Variants in CPQ observed in about 807,000 individuals in gnomAD.
CPQ encodes Ser-Met dipeptidase.
Under a neutral mutation model 45.7 loss-of-function variants are expected in CPQ, and 37 were observed. That is an observed-to-expected ratio of 0.81 (90% CI 0.62 to 1.07). CPQ has a LOEUF of 1.07. Among genes scored for constraint, CPQ ranks in the 50% least tolerant of loss-of-function variants. CPQ has a pLI of 0.00. For synonymous variants in CPQ, 186 were observed against 205.8 expected, an observed-to-expected ratio of 0.90 and a Z score of 0.82; for missense variants, 537 against 572.9, an observed-to-expected ratio of 0.94 and a Z score of 0.64.
intron 5 of CPQ, among the ~76,000 whole-genome samples, chr8:97,016,303 C>T (rs1251188146): frequency 6.6e-6 from 1 of 152,120 alleles, no homozygotes; most frequent in East Asian, 1.9e-4. Flanking sequence ...AAAGCTGAAG[C>T]ACATTTAATT....
intron 3 of CPQ, among the ~76,000 whole-genome samples, chr8:96,837,572 C>T (rs1439084321): frequency 6.6e-6 from 1 of 152,116 alleles, no homozygotes; most frequent in Non-Finnish European, 1.5e-5. Flanking sequence ...CTCACTGTGA[C>T]TGTTTGACCT....
In CPQ at chr8:97,078,763, TTCTCTCTCTCTCTCTCTCTCTCTC is replaced by T. The variant is rs749278181; in HGVS notation, c.1255+12574_1255+12597del. On this transcript the variant is annotated intron_variant, in intron 7 of 7. Coordinates refer to ENST00000220763, the MANE Select transcript of CPQ (RefSeq NM_016134.4). Reference sequence around the variant, plus strand: ...ACTCTAAATATGATATCATTTCCATTTCTCTCTCTCTCTCTCTCTCTCTCTCTCTCTCTCTCTCTCTCTCCCTCT... The same window carrying T: ...ACTCTAAATATGATATCATTTCCATTTCTCTCTCTCTCTCTCTCTCCCTCT... 1.5e-3 allele frequency among the ~76,000 whole-genome samples: 151 copies of T among 100,366 alleles called. 1 individual carries two copies. Among genetic ancestry groups the T allele is most frequent in the African/African-American group, 5.2e-3 (145 of 27,794 alleles). 65.8% of individuals were successfully genotyped at this position (100,366 alleles called of 152,430 possible).
At chr8:96,738,033 A>G (rs1486659516) in intron 1 of CPQ, among the ~76,000 whole-genome samples, 1 of 151,996 alleles carries the variant, frequency 6.6e-6, no homozygotes, top group Non-Finnish European at 1.5e-5. Flanking sequence ...ATTTTGTTTG[A>G]TAGTTCGTTT....
chr8:96,944,808 G>C (rs1813167662), intron 4 of CPQ, among the ~76,000 whole-genome samples: 2 of 152,156 alleles, frequency 1.3e-5, no homozygotes, highest in African/African-American at 4.8e-5. Flanking sequence ...AAAGGTTACA[G>C]TGTTTGCATA....
chr8:97,055,096 T>C (rs1387516726), intron 6 of CPQ, among the ~76,000 whole-genome samples: 1 of 152,118 alleles, frequency 6.6e-6, no homozygotes, highest in Non-Finnish European at 1.5e-5. Flanking sequence ...AATGCTGTGA[T>C]TGTTGGTTTT....
chr8:97,118,855 T>TTA (rs1223344852), intron 7 of CPQ, among the ~76,000 whole-genome samples: 4 of 152,168 alleles, frequency 2.6e-5, no homozygotes, highest in Non-Finnish European at 5.9e-5. Context: ...ATATATAGCA[T>TTA]TATATATATA....
chr8:97,043,911 T>A (rs927035094), intron 6 of CPQ, among the ~76,000 whole-genome samples: 8 of 152,230 alleles, frequency 5.3e-5, no homozygotes, highest in African/African-American at 1.9e-4. Context: ...CTGGCTGCCC[T>A]TAACATTTTT....
intron 2 of CPQ, among the ~76,000 whole-genome samples, chr8:96,811,226 C>T (rs887332132): frequency 4.6e-5 from 7 of 152,220 alleles, no homozygotes; most frequent in Middle Eastern, 3.4e-3. Context: ...ATGTGATATT[C>T]TTTCTAGCAT....
intron 1 of CPQ, among the ~76,000 whole-genome samples, chr8:96,664,156 C>T (rs1443800468): frequency 6.6e-6 from 1 of 151,976 alleles, no homozygotes; most frequent in Admixed American, 6.5e-5. Flanking sequence ...TTCTTTGGTC[C>T]AAAGATGTTT....
At chr8:97,058,738 A>G (rs928163531) in intron 6 of CPQ, among the ~76,000 whole-genome samples, 32 of 152,166 alleles carry the variant, frequency 2.1e-4, no homozygotes, top group African/African-American at 7.7e-4. Flanking sequence ...AGCATGAAAC[A>G]CTTGACCAAT....
chr8:96,917,270 A>G (rs576364904), intron 4 of CPQ, among the ~76,000 whole-genome samples: 1 of 152,176 alleles, frequency 6.6e-6, no homozygotes, highest in East Asian at 1.9e-4. Context: ...TTTTTATTTT[A>G]TAGCTTATTT....
rs763107508 is a variant in CPQ at position 96,879,789 on chromosome 8, T to G, written c.642-9T>G. 13 of 1,613,022 alleles carry G rather than the reference T, an allele frequency of 8.1e-6. No individual in the cohort carries two copies. Among genetic ancestry groups the G allele is most frequent in the Admixed American group, 1.7e-5 (1 of 59,996 alleles). On this transcript the variant is annotated splice_polypyrimidine_tract_variant and intron_variant, in intron 3 of 7. Transcript: ENST00000220763. ...CTTTCAAGGTAACCTGGTGGCTTCT[T>G]CTCTCAAGTCCTCACACAGGTATTC...
intron 7 of CPQ, among the ~76,000 whole-genome samples, chr8:97,086,702 T>C (rs767691917): frequency 1.3e-5 from 2 of 152,182 alleles, no homozygotes; most frequent in African/African-American, 4.8e-5. Flanking sequence ...CAAATAATAC[T>C]AGATCTCCTC....
intron 7 of CPQ, among the ~76,000 whole-genome samples, chr8:97,137,034 C>A (rs1378010243): frequency 6.6e-6 from 1 of 152,194 alleles, no homozygotes; most frequent in Non-Finnish European, 1.5e-5. Flanking sequence ...AGCCAGCGGG[C>A]CCACCCTGGT....
intron 1 of CPQ, among the ~76,000 whole-genome samples, chr8:96,775,643 A>G (rs570178503): frequency 3.9e-5 from 6 of 152,346 alleles, no homozygotes; most frequent in African/African-American, 1.4e-4. Flanking sequence ...ACTGTGCAAC[A>G]ACAATTTTGT....
At chr8:97,086,286 C>T (rs1811039390) in intron 7 of CPQ, among the ~76,000 whole-genome samples, 1 of 152,120 alleles carries the variant, frequency 6.6e-6, no homozygotes, top group Non-Finnish European at 1.5e-5. Flanking sequence ...ATAGAATGCT[C>T]AGGGGGTAAA....
intron 4 of CPQ, among the ~76,000 whole-genome samples, chr8:96,928,166 G>C (rs185835282): frequency 1.3e-5 from 2 of 152,048 alleles, no homozygotes; most frequent in Non-Finnish European, 2.9e-5. Flanking sequence ...ATTTTCTATC[G>C]TAAGACAGAA....
At chr8:96,760,720 C>T (rs778144392) in intron 1 of CPQ, among the ~76,000 whole-genome samples, 18 of 152,154 alleles carry the variant, frequency 1.2e-4, no homozygotes, top group Non-Finnish European at 1.8e-4. Flanking sequence ...ATCACAATGC[C>T]AGCAGCCTTC....
At chr8:96,919,452 C>T (rs1812779274) in intron 4 of CPQ, among the ~76,000 whole-genome samples, 1 of 152,064 alleles carries the variant, frequency 6.6e-6, no homozygotes, top group Non-Finnish European at 1.5e-5. Context: ...TACTAGATAT[C>T]CTCAATGTGT....
Sources: allele counts gnomAD v4.1 joint callset (sites outside exome capture counted in the v4.1 genomes callset), GRCh38; gene constraint gnomAD v4.1.1; transcripts MANE v1.5; gene names NCBI Gene and HGNC (gene_info 2026-07-23, HGNC 2026-07-21).